Variants in EPM2A observed in about 807,000 individuals in gnomAD.
EPM2A encodes laforin.
A neutral mutation model predicts 26.5 loss-of-function variants in EPM2A; 21 were observed. The ratio of observed to expected loss-of-function variants is 0.79; its 90% CI spans 0.56 to 1.14. The LOEUF (loss-of-function observed/expected upper bound fraction) is 1.14. EPM2A is among the 50% of genes most tolerant of loss of function. EPM2A has a pLI of 0.00. For missense variants in EPM2A, 458 were observed against 440.8 expected (o/e 1.04, Z -0.35); for synonymous variants, 217 against 177.6 (o/e 1.22, Z -1.76).
At chr6:145,701,086 T>C (rs949551520) in intron 1 of EPM2A, among the ~76,000 whole-genome samples, 2 of 152,230 alleles carry the variant, frequency 1.3e-5, no homozygotes, top group Admixed American at 6.5e-5. Context: ...TAAATCCTTT[T>C]AATAAGACAT....
At chr6:145,543,979 C>T (rs763442945) in intron 2 of EPM2A, among the ~76,000 whole-genome samples, 6 of 152,146 alleles carry the variant, frequency 3.9e-5, no homozygotes, top group Non-Finnish European at 7.3e-5. Context: ...TAACAATTAG[C>T]TATAATTAAT....
At chr6:145,399,459 A>G (rs1189462998) in intron 4 of EPM2A, among the ~76,000 whole-genome samples, 1 of 152,158 alleles carries the variant, frequency 6.6e-6, no homozygotes, top group Non-Finnish European at 1.5e-5. Flanking sequence ...CTAAAAAGAG[A>G]ATTACTGGGA....
At chr6:145,496,006 ACT>A (rs1779814771) in intron 4 of EPM2A, among the ~76,000 whole-genome samples, 1 of 151,742 alleles carries the variant, frequency 6.6e-6, no homozygotes, top group South Asian at 2.1e-4. Context: ...GTGCTTATCA[ACT>A]CTCTCAGCAT....
chr6:145,388,988 C>G (rs1778301277), intron 4 of EPM2A, among the ~76,000 whole-genome samples: 1 of 152,008 alleles, frequency 6.6e-6, no homozygotes, highest in South Asian at 2.1e-4. Context: ...GTGCATGTGT[C>G]TTTATAGTAG....
chr6:145,579,415 A>G (rs956530738), intron 2 of EPM2A, among the ~76,000 whole-genome samples: 1 of 152,284 alleles, frequency 6.6e-6, no homozygotes, highest in East Asian at 1.9e-4. Context: ...GTCCTGGAGA[A>G]TTGCCCCTGA....
intron 1 of EPM2A, among the ~76,000 whole-genome samples, chr6:145,717,637 G>T (rs1775709959): frequency 6.6e-6 from 1 of 152,104 alleles, no homozygotes; most frequent in Admixed American, 6.6e-5. Context: ...GCAGGAGAAA[G>T]AAATAAAGGG....
intron 1 of EPM2A, among the ~76,000 whole-genome samples, chr6:145,709,342 CAT>C (rs1323809701): frequency 6.6e-6 from 1 of 152,112 alleles, no homozygotes; most frequent in Non-Finnish European, 1.5e-5. Context: ...CCATAATTCC[CAT>C]ATCTCATGGG....
intron 4 of EPM2A, among the ~76,000 whole-genome samples, chr6:145,463,998 T>C (rs1478447317): frequency 2.0e-5 from 3 of 152,066 alleles, no homozygotes; most frequent in Admixed American, 1.3e-4. Flanking sequence ...TGATAGTGAG[T>C]TCTCATGAGG....
intron 2 of EPM2A, among the ~76,000 whole-genome samples, chr6:145,663,376 C>G (rs903980594): frequency 2.6e-5 from 4 of 152,198 alleles, no homozygotes; most frequent in Admixed American, 6.5e-5. Flanking sequence ...GAGTGCCAGA[C>G]AGTGGGCACA....
intron 1 of EPM2A, among the ~76,000 whole-genome samples, chr6:145,689,542 A>T (rs1781142329): frequency 6.6e-6 from 1 of 152,202 alleles, no homozygotes; most frequent in African/African-American, 2.4e-5. Context: ...CCAGACTTAG[A>T]TCTGAAGAAG....
chr6:145,719,259 T>C (rs1307618423), intron 1 of EPM2A, among the ~76,000 whole-genome samples: 1 of 149,228 alleles, frequency 6.7e-6, no homozygotes, highest in Admixed American at 6.7e-5. Context: ...TAAGAAAATG[T>C]GGCACATATA....
At chr6:145,652,207 T>C (rs1777933103) in intron 2 of EPM2A, among the ~76,000 whole-genome samples, 1 of 152,212 alleles carries the variant, frequency 6.6e-6, no homozygotes, top group Admixed American at 6.5e-5. Flanking sequence ...AAGTTAAACA[T>C]TAACAAGTAA....
At chr6:145,519,424 G>C (rs1021373360) in intron 2 of EPM2A, among the ~76,000 whole-genome samples, 1 of 152,128 alleles carries the variant, frequency 6.6e-6, no homozygotes, top group Non-Finnish European at 1.5e-5. Flanking sequence ...GAATAGAGCC[G>C]CTAATGTTTT....
chr6:145,705,322 T>C (rs1388923820), intron 1 of EPM2A, among the ~76,000 whole-genome samples: 1 of 151,962 alleles, frequency 6.6e-6, no homozygotes, highest in Admixed American at 6.6e-5. Flanking sequence ...TATAGATATA[T>C]AGATATAGAT....
chr6:145,454,220 G>A (rs867256925), intron 4 of EPM2A, among the ~76,000 whole-genome samples: 7 of 152,120 alleles, frequency 4.6e-5, no homozygotes, highest in South Asian at 2.1e-4. Context: ...CCCAAGTGCC[G>A]GAAGTGGTGG....
chr6:145,458,379 G>A lies in EPM2A; in HGVS notation c.555+44143C>T, dbSNP rs774107109. Among the ~76,000 whole-genome samples the A allele has an allele frequency of 1.3e-4, 19 of 151,984 alleles. No individual in the cohort carries two copies. In the East Asian group the frequency reaches 2.7e-3, roughly 22 times the overall value. ...AAAAGCTCTATCTATTCTTATACAC[G>A]GCCATTCTTCTCCCCAGGGGCTCAC... On this transcript the variant is annotated intron_variant, in intron 4 of 4. Coordinates refer to the EPM2A transcript ENST00000638717.
chr6:145,527,377 T>C (rs565113836), intron 2 of EPM2A, among the ~76,000 whole-genome samples: 1 of 152,238 alleles, frequency 6.6e-6, no homozygotes, highest in Non-Finnish European at 1.5e-5. Context: ...TCAAATGCTG[T>C]CAGTGGGGTG....
intron 1 of EPM2A, among the ~76,000 whole-genome samples, chr6:145,727,238 C>T (rs1234054973): frequency 1.3e-5 from 2 of 151,946 alleles, no homozygotes; most frequent in African/African-American, 4.8e-5. Flanking sequence ...GCTATATCTT[C>T]AACATGGTCA....
At chr6:145,515,403 T>C (rs563566657) in intron 2 of EPM2A, among the ~76,000 whole-genome samples, 1 of 152,184 alleles carries the variant, frequency 6.6e-6, no homozygotes, top group Non-Finnish European at 1.5e-5. Flanking sequence ...TCTTCTGTAG[T>C]AGAATACTAC....
Sources: gnomAD v4.1 joint callset for allele counts (sites outside exome capture counted in the v4.1 genomes callset) on GRCh38, gnomAD v4.1.1 for gene constraint, MANE v1.5 for transcripts, NCBI Gene and HGNC (gene_info 2026-07-23, HGNC 2026-07-21) for gene names.